NECAP1: variants seen among roughly 807,000 people sequenced by gnomAD.
The protein encoded by NECAP1 is adaptin ear-binding coat-associated protein 1.
A neutral mutation model predicts 33.4 loss-of-function variants in NECAP1; 13 were observed. That is an observed-to-expected ratio of 0.39 (90% CI 0.25 to 0.62). The LOEUF (loss-of-function observed/expected upper bound fraction) is 0.62. NECAP1 is among the 20% of genes least tolerant of loss of function. The probability of loss-of-function intolerance (pLI) is 0.52; values close to 1 mark genes in which losing one functional copy is unlikely to be tolerated. For synonymous variants in NECAP1, 109 were observed against 125.2 expected, an observed-to-expected ratio of 0.87 and a Z score of 0.86; for missense variants, 272 against 347.4, an observed-to-expected ratio of 0.78 and a Z score of 1.73.
chr12:8,087,068 A>G (rs895123653), intron 1 of NECAP1, among the ~76,000 whole-genome samples: 4 of 151,780 alleles, frequency 2.6e-5, no homozygotes, highest in Admixed American at 2.6e-4. Context: ...ATTAACCTCT[A>G]TAATGCGTTT....
At chr12:8,091,871 G>C in intron 4 of NECAP1, 21 bp downstream of exon 4, 1 of 1,600,728 alleles carries the variant, frequency 6.2e-7, no homozygotes, top group Non-Finnish European at 8.5e-7. Flanking sequence ...CTTGTCCTTA[G>C]TTACGAGGCT....
chr12:8,093,277 A>G (rs748439035), intron 6 of NECAP1: 44 of 504,734 alleles, frequency 8.7e-5, no homozygotes, highest in Non-Finnish European at 1.2e-4. Context: ...TAAAATGACA[A>G]TTTCCTTCAT....
chr12:8,095,060 A>G (rs761261180), intron 6 of NECAP1, among the ~76,000 whole-genome samples: 2 of 152,272 alleles, frequency 1.3e-5, no homozygotes, highest in East Asian at 3.9e-4. Context: ...TTGTGTGTCA[A>G]TAGTCTGTTT....
chr12:8,086,536 C>T (rs1947491436), intron 1 of NECAP1, among the ~76,000 whole-genome samples: 2 of 152,098 alleles, frequency 1.3e-5, no homozygotes, highest in South Asian at 4.1e-4. Context: ...ATTGTTTGAA[C>T]CCGGGAGGCG....
At chr12:8,087,590 C>T (rs1336838581) in intron 1 of NECAP1, among the ~76,000 whole-genome samples, 1 of 150,016 alleles carries the variant, frequency 6.7e-6, no homozygotes, top group Non-Finnish European at 1.5e-5. Context: ...GTGGGGCGAT[C>T]ATAGCTCACT....
At chr12:8,085,024 G>GT (rs540358292) in intron 1 of NECAP1, among the ~76,000 whole-genome samples, 2,259 of 146,614 alleles carry the variant, frequency 0.015, 15 homozygotes, top group Non-Finnish European at 0.02. Flanking sequence ...TTTTCTTGAA[G>GT]TTTTTTTTTT....
chr12:8,090,481 C>A, intron 3 of NECAP1, 182 bp downstream of exon 3: 2 of 574,128 alleles, frequency 3.5e-6, no homozygotes, highest in Non-Finnish European at 3.1e-6. Flanking sequence ...TAGATAAGCA[C>A]GAGTTCAAGA....
intron 3 of NECAP1, chr12:8,091,232 A>C (rs772339716): frequency 9.7e-5 from 15 of 155,260 alleles, no homozygotes; most frequent in African/African-American, 3.6e-4. Flanking sequence ...AGCAGTCCTC[A>C]ACCTTTTTGG....
chr12:8,092,792 T>C lies in NECAP1; in HGVS notation c.492+8T>C. 1.2e-6 allele frequency: 2 copies of C among 1,604,470 alleles called. No individual in the cohort carries two copies. Among genetic ancestry groups the C allele is most frequent in the Non-Finnish European group, 1.7e-6 (2 of 1,174,456 alleles). On this transcript the variant is annotated splice_region_variant and intron_variant, in intron 5 of 7. Coordinates refer to ENST00000339754, the MANE Select transcript of NECAP1 (RefSeq NM_015509.4). ...ATCAAGTTGTGTATCGGGGTGAGTATGGTTTTTAAAAATTTTGTTTTCCTG... is the reference window on the plus strand; with the variant it reads ...ATCAAGTTGTGTATCGGGGTGAGTACGGTTTTTAAAAATTTTGTTTTCCTG...
intron 4 of NECAP1, chr12:8,092,467 A>G: frequency 1.9e-6 from 1 of 521,472 alleles, no homozygotes; most frequent in East Asian, 3.2e-5. Flanking sequence ...TCTAATACGT[A>G]TTCCGTGAGA....
At chr12:8,089,629 G>C (rs112632823) in intron 1 of NECAP1, 3 of 266,954 alleles carry the variant, frequency 1.1e-5, no homozygotes, top group Non-Finnish European at 2.2e-5. Flanking sequence ...CCAAAGTGCT[G>C]GGATTACAGG....
chr12:8,092,385 C>T, intron 4 of NECAP1: 1 of 333,330 alleles, frequency 3.0e-6, no homozygotes, highest in South Asian at 4.3e-5. Context: ...AACTAACACC[C>T]CCTCAGGAGC....
intron 6 of NECAP1, 67 bp from the exon 7 acceptor site, chr12:8,095,534 C>T: frequency 7.6e-7 from 1 of 1,315,206 alleles, no homozygotes; most frequent in South Asian, 1.2e-5. Flanking sequence ...AGGCGTGAGC[C>T]ACCGCGCCCG....
intron 3 of NECAP1, chr12:8,090,553 A>T (rs1388759277): frequency 7.7e-6 from 3 of 392,042 alleles, no homozygotes; most frequent in Non-Finnish European, 1.4e-5. Flanking sequence ...ATGAATTAAC[A>T]CATTTGGCAC....
intron 7 of NECAP1, 31 bp downstream of exon 7, chr12:8,095,734 C>G: frequency 1.3e-6 from 2 of 1,552,064 alleles, no homozygotes; most frequent in Non-Finnish European, 1.8e-6. Context: ...AGCATACTCT[C>G]AATCAGGGTG....
At position 8,096,044 on chromosome 12, in the gene NECAP1, C is replaced by G. The variant is rs1264229871; in HGVS notation, c.782C>G (p.Ser261Cys). ...LWGDFSTASSSVPNQAPQPSN... is the reference protein window; with the variant it reads ...LWGDFSTASSCVPNQAPQPSN... ...TTCTCTGTTCTCCTGTCTTGCAGCTCTGTTCCAAACCAGGCACCACAGCCA... is the reference window on the plus strand; with the variant it reads ...TTCTCTGTTCTCCTGTCTTGCAGCTGTGTTCCAAACCAGGCACCACAGCCA... The change falls in exon 8 of 8, where the codon TCT (serine) becomes TGT (cysteine). Residue 261 changes from serine to cysteine, a missense_variant and splice_region_variant. Transcript: ENST00000339754. 1.2e-6 allele frequency: 2 copies of G among 1,614,172 alleles called. No individual in the cohort carries two copies. Among genetic ancestry groups the G allele is most frequent in the African/African-American group, 1.3e-5 (1 of 75,066 alleles).
chr12:8,091,178 A>G (rs956613550), intron 3 of NECAP1: 23 of 153,686 alleles, frequency 1.5e-4, no homozygotes, highest in Non-Finnish European at 1.4e-5. Context: ...TTGTCTAGTT[A>G]GGGTGACTGT....
At chr12:8,087,367 T>C (rs1007230548) in intron 1 of NECAP1, among the ~76,000 whole-genome samples, 14 of 151,654 alleles carry the variant, frequency 9.2e-5, no homozygotes, top group Non-Finnish European at 1.2e-4. Context: ...TTAGATTAGG[T>C]CTTGGAGTAG....
intron 1 of NECAP1, 117 bp downstream of exon 1, chr12:8,082,500 C>A: frequency 2.2e-6 from 2 of 903,088 alleles, no homozygotes; most frequent in Non-Finnish European, 3.4e-6. Flanking sequence ...ACCTTGCTAG[C>A]CTCCCTACCT....
Sources: gnomAD v4.1 joint callset for allele counts (sites outside exome capture counted in the v4.1 genomes callset) on GRCh38, gnomAD v4.1.1 for gene constraint, MANE v1.5 for transcripts, NCBI Gene and HGNC (gene_info 2026-07-23, HGNC 2026-07-21) for gene names.